Variants in KCNAB2 observed in about 807,000 individuals in gnomAD.
KCNAB2 encodes potassium voltage-gated channel subfamily A regulatory beta subunit 2.
A neutral mutation model predicts 63.6 loss-of-function variants in KCNAB2; 29 were observed. That is an observed-to-expected ratio of 0.46 (90% CI 0.34 to 0.62). The LOEUF is 0.62. KCNAB2 is among the 20% of genes least tolerant of loss of function. The pLI is 0.01. For synonymous variants in KCNAB2, 222 were observed against 224.2 expected, an observed-to-expected ratio of 0.99 and a Z score of 0.09; for missense variants, 359 against 563.9, an observed-to-expected ratio of 0.64 and a Z score of 3.68.
At chr1:6,067,042 A>G (rs1662816260) in intron 2 of KCNAB2, among the ~76,000 whole-genome samples, 1 of 152,130 alleles carries the variant, frequency 6.6e-6, no homozygotes, top group Non-Finnish European at 1.5e-5. Flanking sequence ...TGTGCCCAGG[A>G]TGGAAAAGGG....
chr1:6,086,226 A>G lies in KCNAB2; in HGVS notation c.425+978A>G. The G allele has an allele frequency of 1.0e-6, 1 of 985,190 alleles. No homozygotes were observed. The highest frequency in any genetic ancestry group is 1.7e-5 in the African/African-American group (1 of 57,318). 61.0% of individuals were successfully genotyped at this position (985,190 alleles called of 1,614,324 possible). ...CCCTCGAAATGCCACTCAGAATCCCAGTGCCAAGGGGAGCCCCCGCCCCCT... is the reference window on the plus strand; with the variant it reads ...CCCTCGAAATGCCACTCAGAATCCCGGTGCCAAGGGGAGCCCCCGCCCCCT... On this transcript the variant is annotated intron_variant, in intron 6 of 15. Transcript: ENST00000378083. The surrounding 1 kb of genome is among the most constrained non-coding windows in gnomAD (Gnocchi z 4.2).
chr1:6,037,786 T>TCAC (rs763638920), intron 1 of KCNAB2, among the ~76,000 whole-genome samples: 1 of 151,254 alleles, frequency 6.6e-6, no homozygotes, highest in Non-Finnish European at 1.5e-5. Flanking sequence ...AGGGATTCAA[T>TCAC]CACCCCAAAG....
chr1:6,094,250 A>G, intron 10 of KCNAB2, 150 bp from the exon 11 acceptor site: 3 of 603,484 alleles, frequency 5.0e-6, no homozygotes, highest in East Asian at 2.8e-5. Flanking sequence ...CCCACACCCA[A>G]CTTCAGAGCC....
At chr1:6,037,866 G>A (rs997555818) in intron 1 of KCNAB2, among the ~76,000 whole-genome samples, 5 of 148,702 alleles carry the variant, frequency 3.4e-5, no homozygotes, top group African/African-American at 1.2e-4. Context: ...TGGCCTGAAT[G>A]AGGGTCTTTT....
Position 6,001,407 on chromosome 1 carries a change from T to C in KCNAB2, c.-53+8619T>C, listed in dbSNP as rs547890146. ...CTCTGCCTCACCCAGGGCCGGAAGG[T>C]TCTGGCTAAGCCTCCGGGGGTGCCA... On this transcript the variant is annotated intron_variant, in intron 1 of 16. Transcript: ENST00000341524. Among the ~76,000 whole-genome samples the C allele has an allele frequency of 6.6e-5, 10 of 151,986 alleles. No individual in the cohort carries two copies. The South Asian group carries it at 2.1e-3, about 32-fold the overall frequency.
chr1:6,096,686 G>A lies in KCNAB2; in HGVS notation c.999G>A (p.Gln333=), dbSNP rs1251079749. ...DKILSEEGRR[Q]QAKLKELQAI... ...TCCTCAGTGAGGAGGGCCGGCGCCA[G>A]CAAGCCAAGCTGAAGGAGCTGCAGG... The change falls in exon 14 of 16, where the codon CAG becomes CAA. Residue 333 remains glutamine, a synonymous_variant. Coordinates refer to ENST00000378083, the MANE Select transcript of KCNAB2 (RefSeq NM_001199862.2). The surrounding 1 kb of genome is among the most constrained non-coding windows in gnomAD (Gnocchi z 5.9). The A allele has an allele frequency of 1.2e-6, 2 of 1,607,254 alleles. No individual in the cohort carries two copies. Among genetic ancestry groups the A allele is most frequent in the Admixed American group, 1.7e-5 (1 of 59,092 alleles).
In KCNAB2 at chr1:6,087,431, G is replaced by C. The variant is rs887271553; in HGVS notation, c.426-36G>C. 1 of 1,611,904 alleles carries C rather than the reference G, an allele frequency of 6.2e-7. No homozygotes were observed. Among genetic ancestry groups the C allele is most frequent in the Non-Finnish European group, 8.5e-7 (1 of 1,177,986 alleles). ...TGAAGGAGGACCCCCCAGGGGCCGG[G>C]CTTATCACACCCCTTCTTTCTCTTC... is the stretch of plus-strand genomic sequence containing the variant. On this transcript the variant is annotated intron_variant, in intron 6 of 15. Coordinates refer to ENST00000378083, the MANE Select transcript of KCNAB2 (RefSeq NM_001199862.2). This position sits in a 1 kb window ranked among gnomAD's most constrained non-coding sequence, Gnocchi z 6.4.
At chr1:6,089,713 T>C (rs187747305) in intron 8 of KCNAB2, among the ~76,000 whole-genome samples, 2 of 152,308 alleles carry the variant, frequency 1.3e-5, no homozygotes, top group Admixed American at 6.5e-5. Context: ...GTTTTTGTTT[T>C]TGAGATGGAG....
At chr1:6,057,024 C>A (rs563862907) in intron 2 of KCNAB2, among the ~76,000 whole-genome samples, 40 of 151,882 alleles carry the variant, frequency 2.6e-4, no homozygotes, top group African/African-American at 8.9e-4. Flanking sequence ...CCCGGAACAC[C>A]CCCAGCCTCT....
intron 1 of KCNAB2, among the ~76,000 whole-genome samples, chr1:6,026,757 C>G (rs567547693): frequency 6.6e-6 from 1 of 152,238 alleles, no homozygotes; most frequent in Admixed American, 6.5e-5. Context: ...CTGCCTTCAT[C>G]CCTGGGATGA....
rs947360015 is a variant in KCNAB2 at position 6,035,420 on chromosome 1, C to T, written c.-53+626C>T. ...GTCTGCCGGCGGGGGTGGAGGTGGG[C>T]GCAGGGAATGCTGTGAGGAGCAGCA... is the stretch of plus-strand genomic sequence containing the variant. On this transcript the variant is annotated intron_variant, in intron 1 of 15. Coordinates refer to the KCNAB2 transcript ENST00000164247. The surrounding 1 kb of genome is among the most constrained non-coding windows in gnomAD (Gnocchi z 5.0). 3.9e-5 allele frequency among the ~76,000 whole-genome samples: 6 copies of T among 151,996 alleles called. No homozygotes were observed. Among genetic ancestry groups the T allele is most frequent in the Admixed American group, 1.3e-4 (2 of 15,268 alleles).
chr1:6,015,561 G>T (rs1378763872), intron 1 of KCNAB2, among the ~76,000 whole-genome samples: 1 of 152,226 alleles, frequency 6.6e-6, no homozygotes, highest in Non-Finnish European at 1.5e-5. Context: ...GCCCTTCCCT[G>T]CCATAGCTGC....
chr1:6,039,661 G>A (rs967312907), intron 1 of KCNAB2, among the ~76,000 whole-genome samples: 1 of 152,196 alleles, frequency 6.6e-6, no homozygotes, highest in Non-Finnish European at 1.5e-5. Context: ...CTGCAGTCGA[G>A]GTTCTTGCCG....
intron 2 of KCNAB2, among the ~76,000 whole-genome samples, chr1:6,065,850 G>A (rs551530590): frequency 3.9e-5 from 6 of 152,272 alleles, no homozygotes; most frequent in Non-Finnish European, 5.9e-5. Flanking sequence ...TCTGTACCTC[G>A]GGCCTGGAAA....
chr1:6,058,556 C>T (rs1440463926), intron 2 of KCNAB2, among the ~76,000 whole-genome samples: 3 of 152,256 alleles, frequency 2.0e-5, no homozygotes, highest in East Asian at 1.9e-4. Context: ...AGGCTTGGCT[C>T]ATTGTGGGAG....
chr1:6,030,948 T>TC (rs1659585896), upstream of KCNAB2, among the ~76,000 whole-genome samples: 1 of 136,650 alleles, frequency 7.3e-6, no homozygotes, highest in South Asian at 2.3e-4. Flanking sequence ...GTGTGTGTGT[T>TC]GGGAGAGGCA....
chr1:6,063,942 A>C (rs1662533397), intron 2 of KCNAB2, among the ~76,000 whole-genome samples: 1 of 152,164 alleles, frequency 6.6e-6, no homozygotes, highest in Non-Finnish European at 1.5e-5. Flanking sequence ...ATGACATTTT[A>C]CACTTGGTGA....
chr1:6,090,119 T>C (rs1276459477), intron 8 of KCNAB2, among the ~76,000 whole-genome samples: 2 of 152,224 alleles, frequency 1.3e-5, no homozygotes, highest in Non-Finnish European at 2.9e-5. Flanking sequence ...GTATATTGTC[T>C]GAGGGAGGAG....
intron 2 of KCNAB2, among the ~76,000 whole-genome samples, chr1:6,067,220 G>A (rs1662834455): frequency 6.6e-6 from 1 of 152,214 alleles, no homozygotes; most frequent in African/African-American, 2.4e-5. Flanking sequence ...GTCTACAGAA[G>A]CTGGAAAAGC....
Sources: gnomAD v4.1 joint callset for allele counts (sites outside exome capture counted in the v4.1 genomes callset) on GRCh38, gnomAD v4.1.1 for gene constraint, Gnocchi (gnomAD v3.1) non-coding constraint, MANE v1.5 for transcripts, NCBI Gene and HGNC (gene_info 2026-07-23, HGNC 2026-07-21) for gene names.